Variants in WEE1 observed in about 807,000 individuals in gnomAD.
WEE1 encodes wee1-like protein kinase.
A neutral mutation model predicts 68.8 loss-of-function variants in WEE1; 16 were observed. The observed-to-expected ratio is 0.23, with a 90% CI of 0.16 to 0.35. WEE1 has a LOEUF of 0.35. WEE1 is among the 10% of genes least tolerant of loss of function. The probability of loss-of-function intolerance (pLI) is 1.00; values close to 1 mark genes in which losing one functional copy is unlikely to be tolerated. For missense variants in WEE1, 651 were observed against 824.1 expected (o/e 0.79, Z 2.57); for synonymous variants, 349 against 318.7 (o/e 1.09, Z -1.01).
chr11:9,575,591 A>G (rs545662851), intron 1 of WEE1: 3 of 355,930 alleles, frequency 8.4e-6, no homozygotes, highest in Non-Finnish European at 1.5e-5. Context: ...GGATGGGTTG[A>G]AAGAATTTGT....
Position 9,575,108 on chromosome 11 carries a change from C to T in WEE1, c.576+599C>T, listed in dbSNP as rs554321359. 9 of 985,480 alleles carry T rather than the reference C, an allele frequency of 9.1e-6. No individual in the cohort carries two copies. The South Asian group carries it at 3.8e-4, about 41-fold the overall frequency. The allele number at this position is 985,480 out of a possible 1,614,324, so 61.0% of individuals were successfully genotyped here. A position where few individuals can be genotyped will look rare whatever the true frequency, so the allele number is the denominator to read the frequency against. On this transcript the variant is annotated intron_variant, in intron 1 of 10. Coordinates refer to ENST00000450114, the MANE Select transcript of WEE1 (RefSeq NM_003390.4). ...ATCCTAAGTCCAGGCAGTACTGAGGCCTGTTTCTGGACAAGGTCTTGGCCC... is the reference window on the plus strand; with the variant it reads ...ATCCTAAGTCCAGGCAGTACTGAGGTCTGTTTCTGGACAAGGTCTTGGCCC...
chr11:9,580,458 C>CTTTTTTTTTTTTTTTTTTTTTTTTTTTTT (rs374484716), intron 5 of WEE1: 1 of 126,922 alleles, frequency 7.9e-6, no homozygotes, highest in Non-Finnish European at 1.7e-5. Context: ...TTCTTTCTTT[C>CTTTTTTTTTTTTTTTTTTTTTTTTTTTTT]TTTCTTTTTT....
chr11:9,576,176 A>G lies in WEE1; in HGVS notation c.783-54A>G. ...CTTATCAAAATTTAGTTCCTATTTA[A>G]TGGCATGGATGTATCTGTCAGATAT... On this transcript the variant is annotated intron_variant, in intron 2 of 10. Coordinates refer to ENST00000450114, the MANE Select transcript of WEE1 (RefSeq NM_003390.4). This position sits in a 1 kb window ranked among gnomAD's most constrained non-coding sequence, Gnocchi z 4.3. The G allele has an allele frequency of 6.3e-7, 1 of 1,595,384 alleles. No homozygotes were observed. The highest frequency in any genetic ancestry group is 8.6e-7 in the Non-Finnish European group (1 of 1,168,220).
At position 9,581,548 on chromosome 11, in the gene WEE1, T is replaced by C. The variant is rs191595727; in HGVS notation, c.1158T>C (p.Asp386=). The C allele has an allele frequency of 3.8e-5, 60 of 1,598,844 alleles. No individual in the cohort carries two copies. Among genetic ancestry groups the C allele is most frequent in the Admixed American group, 2.0e-4 (11 of 54,478 alleles). Residue 386 remains aspartate (D), a synonymous_variant, in exon 6 of 11, where the codon GAT becomes GAC. Coordinates refer to ENST00000450114, the MANE Select transcript of WEE1 (RefSeq NM_003390.4). Reference sequence around the variant, plus strand: ...CTTTGTTAGGTGGAAGTTTAGCTGATGCTATAAGTGAAAACTACAGAATCA... The same window carrying C: ...CTTTGTTAGGTGGAAGTTTAGCTGACGCTATAAGTGAAAACTACAGAATCA... ...NEYCNGGSLA[D]AISENYRIMS...
At position 9,574,629 on chromosome 11, in the gene WEE1, C is replaced by G; in HGVS notation, c.576+120C>G. ...GCTCCCCCCTCGCTTTCCTGCGCCGCCCCCCAAAGTTGGCAGCCCTTGTGT... is the reference window on the plus strand; with the variant it reads ...GCTCCCCCCTCGCTTTCCTGCGCCGGCCCCCAAAGTTGGCAGCCCTTGTGT... On this transcript the variant is annotated intron_variant, in intron 1 of 10. Transcript: ENST00000450114. This position sits in a 1 kb window ranked among gnomAD's most constrained non-coding sequence, Gnocchi z 4.9. 1.8e-6 allele frequency: 2 copies of G among 1,117,630 alleles called. No individual in the cohort carries two copies. The highest frequency in any genetic ancestry group is 2.2e-6 in the Non-Finnish European group (2 of 915,788). 69.2% of individuals were successfully genotyped at this position (1,117,630 alleles called of 1,614,324 possible).
At chr11:9,575,771 G>C (rs1215468137) in intron 1 of WEE1, 117 bp from the exon 2 acceptor site, 2 of 794,854 alleles carry the variant, frequency 2.5e-6, no homozygotes, top group Admixed American at 5.3e-5. Flanking sequence ...ACAAAGGCTT[G>C]TGTGTTGCTT....
chr11:9,578,477 T>C (rs1849587098), intron 5 of WEE1: 1 of 152,378 alleles, frequency 6.6e-6, no homozygotes, highest in East Asian at 1.9e-4. Context: ...TTGAAATGTT[T>C]CTATTCATAC....
chr11:9,574,578 G>A lies in WEE1; in HGVS notation c.576+69G>A. 1.7e-6 allele frequency: 2 copies of A among 1,148,120 alleles called. No homozygotes were observed. The highest frequency in any genetic ancestry group is 2.1e-6 in the Non-Finnish European group (2 of 935,688). The allele number at this position is 1,148,120 out of a possible 1,614,324, so 71.1% of individuals were successfully genotyped here. A position where few individuals can be genotyped will look rare whatever the true frequency, so the allele number is the denominator to read the frequency against. On this transcript the variant is annotated intron_variant, in intron 1 of 10. Coordinates refer to ENST00000450114, the MANE Select transcript of WEE1 (RefSeq NM_003390.4). The surrounding 1 kb of genome is among the most constrained non-coding windows in gnomAD (Gnocchi z 4.9). ...GCCGGAGGGGCCAGCGCCGCTGCCT[G>A]GGTTCGGTTACAGAAGCGGCCGGCC...
intron 6 of WEE1, among the ~76,000 whole-genome samples, chr11:9,583,478 G>C (rs1225537504): frequency 7.1e-6 from 1 of 141,288 alleles, no homozygotes; most frequent in East Asian, 2.2e-4. Flanking sequence ...AGCTGGGTGT[G>C]GTGGCAGGCA....
Position 9,586,729 on chromosome 11 carries a change from C to T in WEE1, c.1660C>T (p.Pro554Ser), listed in dbSNP as rs771907098. ...TTTTAAGGTTATGATTCATCCAGAT[C>T]CAGAGAGAAGACCTTCAGCAATGGC... ...ELLKVMIHPDPERRPSAMALV... is the reference protein window; with the variant it reads ...ELLKVMIHPDSERRPSAMALV... The change falls in exon 10 of 11, where the codon CCA becomes TCA. Residue 554 changes from proline (P) to serine (S), a missense_variant. Around this residue, in one of 5 missense-constraint regions of WEE1, gnomAD observed 115 missense variants for 142.7 expected, o/e 0.81. Coordinates refer to ENST00000450114, the MANE Select transcript of WEE1 (RefSeq NM_003390.4). The T allele has an allele frequency of 4.3e-6, 7 of 1,613,862 alleles. No homozygotes were observed. The highest frequency in any genetic ancestry group is 5.1e-6 in the Non-Finnish European group (6 of 1,179,980).
At position 9,576,136 on chromosome 11, in the gene WEE1, G is replaced by A. The variant is rs771907182; in HGVS notation, c.782+43G>A. On this transcript the variant is annotated intron_variant, in intron 2 of 10. Transcript: ENST00000450114. This position sits in a 1 kb window ranked among gnomAD's most constrained non-coding sequence, Gnocchi z 4.3. ...CAGTTTGGTTCTCCAAATAACCTAA[G>A]ATTGGTTTGGTATACTTATCAAAAT... 2 of 1,611,604 alleles carry A rather than the reference G, an allele frequency of 1.2e-6. No individual in the cohort carries two copies. The highest frequency in any genetic ancestry group is 8.5e-7 in the Non-Finnish European group (1 of 1,178,144).
In WEE1 at chr11:9,574,796, G is replaced by A; in HGVS notation, c.576+287G>A. 6 of 1,005,680 alleles carry A rather than the reference G, an allele frequency of 6.0e-6. No homozygotes were observed. Among genetic ancestry groups the A allele is most frequent in the Non-Finnish European group, 7.1e-6 (6 of 843,318 alleles). 62.3% of individuals were successfully genotyped at this position (1,005,680 alleles called of 1,614,324 possible). On this transcript the variant is annotated intron_variant, in intron 1 of 10. Transcript: ENST00000450114. The surrounding 1 kb of genome is among the most constrained non-coding windows in gnomAD (Gnocchi z 4.9). ...CCGTTGAGTCCGGGCCGCCCCGAGCGTGTCAGCCCCGAGTGCGGCACCGAT... is the reference window on the plus strand; with the variant it reads ...CCGTTGAGTCCGGGCCGCCCCGAGCATGTCAGCCCCGAGTGCGGCACCGAT...
At chr11:9,580,108 CTA>C (rs1849608055) in intron 5 of WEE1, 1 of 152,132 alleles carries the variant, frequency 6.6e-6, no homozygotes, top group Non-Finnish European at 1.5e-5. Flanking sequence ...TAAATTATAA[CTA>C]TACTAAAATA....
Position 9,589,405 on chromosome 11 carries a change from C to G in WEE1, c.*803C>G. ...TAACTTGTTCTGGTAATGTCCTTCC[C>G]GGACTCTTTTTAAATGTCTCCCCCT... On this transcript the variant is annotated 3_prime_UTR_variant, in exon 11 of 11. Coordinates refer to ENST00000450114, the MANE Select transcript of WEE1 (RefSeq NM_003390.4). The G allele has an allele frequency of 2.0e-6, 2 of 984,636 alleles. No individual in the cohort carries two copies. Among genetic ancestry groups the G allele is most frequent in the Non-Finnish European group, 1.2e-6 (1 of 829,430 alleles). 61.0% of individuals were successfully genotyped at this position (984,636 alleles called of 1,614,324 possible). A position where few individuals can be genotyped will look rare whatever the true frequency, so the allele number is the denominator to read the frequency against.
Position 9,574,183 on chromosome 11 carries a change from G to T in WEE1, c.250G>T (p.Gly84Cys). The change falls in exon 1 of 11, where the codon GGC (glycine) becomes TGC (cysteine). Residue 84 changes from glycine (G) to cysteine (C), a missense_variant. Around this residue, in one of 5 missense-constraint regions of WEE1, gnomAD observed 395 missense variants for 378.4 expected, o/e 1.04. Coordinates refer to ENST00000450114, the MANE Select transcript of WEE1 (RefSeq NM_003390.4). The surrounding 1 kb of genome is among the most constrained non-coding windows in gnomAD (Gnocchi z 4.9). ...ERRRSPGPAPGSPGELEEDLL... is the reference protein window; with the variant it reads ...ERRRSPGPAPCSPGELEEDLL... ...CCGCCGCTCGCCCGGGCCGGCCCCC[G>T]GCAGCCCCGGCGAGCTGGAGGAGGA... The T allele has an allele frequency of 8.6e-7, 1 of 1,168,018 alleles. No individual in the cohort carries two copies. Among genetic ancestry groups the T allele is most frequent in the South Asian group, 4.2e-5 (1 of 23,668 alleles). The allele number at this position is 1,168,018 out of a possible 1,614,324, so 72.4% of individuals were successfully genotyped here.
At chr11:9,586,238 A>AT (rs1849698306) in intron 8 of WEE1, among the ~76,000 whole-genome samples, 1 of 152,080 alleles carries the variant, frequency 6.6e-6, no homozygotes, top group African/African-American at 2.4e-5. Context: ...ATGTGTTTGC[A>AT]TTTTTCCCCC....
Position 9,586,796 on chromosome 11 carries a change from G to A in WEE1, c.1727G>A (p.Ser576Asn), listed in dbSNP as rs1754895259. Residue 576 changes from serine (S) to asparagine (N), a missense_variant, in exon 10 of 11, where the codon AGT becomes AAT. Physicochemically the swap from Ser to Asn is conservative, Grantham distance 46. Transcript: ENST00000450114. ...GTATTGCTGTCCGCTTCTAGAAAGA[G>A]TGCAGAACAATTACGAATAGAATTG... The part of the protein sequence containing the change: ...HSVLLSASRK[S>N]AEQLRIELNA... The A allele has an allele frequency of 1.2e-6, 2 of 1,613,750 alleles. No homozygotes were observed. Among genetic ancestry groups the A allele is most frequent in the Non-Finnish European group, 1.7e-6 (2 of 1,179,972 alleles).
At chr11:9,583,055 C>T (rs997134970) in intron 6 of WEE1, among the ~76,000 whole-genome samples, 6 of 152,054 alleles carry the variant, frequency 3.9e-5, no homozygotes, top group African/African-American at 1.4e-4. Context: ...GTGGCTGACG[C>T]CTGTAATCCC....
chr11:9,577,149 G>A lies in WEE1; in HGVS notation c.1027G>A (p.Ala343Thr), dbSNP rs1849573501. The change falls in exon 5 of 11, where the codon GCT becomes ACT. Residue 343 changes from alanine to threonine, a missense_variant. This residue lies in a region of WEE1 where 41 missense variants were observed against 125.6 expected (regional missense o/e 0.33). Coordinates refer to ENST00000450114, the MANE Select transcript of WEE1 (RefSeq NM_003390.4). Reference sequence around the variant, plus strand: ...ATCTCAAATTTCTTCTAGGCAGAACGCTTTGAGAGAAGTATATGCTCATGC... The same window carrying A: ...ATCTCAAATTTCTTCTAGGCAGAACACTTTGAGAGAAGTATATGCTCATGC... The part of the protein sequence containing the change: ...PLAGSVDEQN[A>T]LREVYAHAVL... 1 of 1,607,944 alleles carries A rather than the reference G, an allele frequency of 6.2e-7. No homozygotes were observed. Among genetic ancestry groups the A allele is most frequent in the Non-Finnish European group, 8.5e-7 (1 of 1,178,414 alleles).
Sources: allele counts gnomAD v4.1 joint callset (sites outside exome capture counted in the v4.1 genomes callset), GRCh38; gene constraint gnomAD v4.1.1; regional missense constraint gnomAD v4.1.1; non-coding constraint Gnocchi (gnomAD v3.1); transcripts MANE v1.5; gene names NCBI Gene and HGNC (gene_info 2026-07-23, HGNC 2026-07-21).